Variants in DPYD observed in about 807,000 individuals in gnomAD.
The protein encoded by DPYD is dihydropyrimidine dehydrogenase [NADP(+)].
In DPYD, 109 loss-of-function variants were observed where a neutral mutation model predicts 116.2. The observed-to-expected ratio is 0.94, with a 90% CI of 0.80 to 1.10. The LOEUF (loss-of-function observed/expected upper bound fraction) is 1.10, where lower values mean the gene tolerates loss of function less well. DPYD is among the 50% of genes least tolerant of loss of function. The probability of loss-of-function intolerance (pLI) is 0.00; values close to 1 mark genes in which losing one functional copy is unlikely to be tolerated. For synonymous variants in DPYD, 440 were observed against 432.0 expected (o/e 1.02, Z -0.23); for missense variants, 1,302 against 1,254.5 (o/e 1.04, Z -0.57).
intron 18 of DPYD, among the ~76,000 whole-genome samples, chr1:97,287,318 A>T (rs1253482598): frequency 1.3e-5 from 2 of 152,022 alleles, no homozygotes; most frequent in Admixed American, 1.3e-4. Flanking sequence ...CGGCTGTGTG[A>T]GCAGTCAGTC....
At chr1:97,728,590 T>C (rs1215678153) in intron 4 of DPYD, among the ~76,000 whole-genome samples, 1 of 152,088 alleles carries the variant, frequency 6.6e-6, no homozygotes, top group African/African-American at 2.4e-5. Context: ...TTCTTCCTTC[T>C]TCCAATGACA....
At chr1:97,168,208 C>T (rs1429114503) in intron 20 of DPYD, among the ~76,000 whole-genome samples, 1 of 152,170 alleles carries the variant, frequency 6.6e-6, no homozygotes, top group African/African-American at 2.4e-5. Context: ...GCTCTGTGAT[C>T]CAAGTAACAA....
intron 19 of DPYD, among the ~76,000 whole-genome samples, chr1:97,219,190 T>C (rs1380098470): frequency 6.6e-6 from 1 of 152,068 alleles, no homozygotes; most frequent in Admixed American, 6.6e-5. Flanking sequence ...AGCAAAACAG[T>C]GGGGTACAAA....
At chr1:97,503,272 C>T (rs1679698057) in intron 13 of DPYD, among the ~76,000 whole-genome samples, 1 of 151,916 alleles carries the variant, frequency 6.6e-6, no homozygotes, top group Non-Finnish European at 1.5e-5. Flanking sequence ...TTTATTCCCC[C>T]CATTTAAAAG....
intron 14 of DPYD, among the ~76,000 whole-genome samples, chr1:97,430,141 A>G (rs1312296188): frequency 1.3e-5 from 2 of 152,134 alleles, no homozygotes; most frequent in African/African-American, 4.8e-5. Flanking sequence ...GGCAACTCAC[A>G]TTTTTCCTAC....
chr1:97,400,711 T>G (rs1322015622), intron 14 of DPYD, among the ~76,000 whole-genome samples: 1 of 152,218 alleles, frequency 6.6e-6, no homozygotes, highest in Non-Finnish European at 1.5e-5. Context: ...TATCCATTTC[T>G]TCTAGATTTT....
chr1:97,263,271 A>G (rs564125540), intron 18 of DPYD, among the ~76,000 whole-genome samples: 1 of 152,264 alleles, frequency 6.6e-6, no homozygotes, highest in African/African-American at 2.4e-5. Context: ...GAAGAATTGT[A>G]AATGCTATTA....
intron 20 of DPYD, among the ~76,000 whole-genome samples, chr1:97,151,978 G>A (rs562236584): frequency 1.3e-5 from 2 of 152,250 alleles, no homozygotes; most frequent in South Asian, 4.1e-4. Flanking sequence ...TCTTCAGCCT[G>A]TCCTCATCAA....
intron 21 of DPYD, among the ~76,000 whole-genome samples, chr1:97,088,279 T>C (rs902739618): frequency 1.3e-5 from 2 of 152,220 alleles, no homozygotes; most frequent in African/African-American, 2.4e-5. Flanking sequence ...CTTCCTTTCA[T>C]TGGCCTAATA....
intron 5 of DPYD, among the ~76,000 whole-genome samples, chr1:97,709,439 G>A (rs1333197566): frequency 6.6e-6 from 1 of 150,676 alleles, no homozygotes; most frequent in African/African-American, 2.4e-5. Context: ...TAATATTGTG[G>A]GTACATAGTA....
intron 18 of DPYD, among the ~76,000 whole-genome samples, chr1:97,247,337 G>C (rs1048879339): frequency 6.6e-6 from 1 of 152,082 alleles, no homozygotes; most frequent in Non-Finnish European, 1.5e-5. Flanking sequence ...ATTACCTAAA[G>C]GAACTGTAAT....
rs544840640 is a variant in DPYD at position 97,720,257 on chromosome 1, G to T, written c.483+1253C>A. On this transcript the variant is annotated intron_variant, in intron 5 of 22. Coordinates refer to ENST00000370192, the MANE Select transcript of DPYD (RefSeq NM_000110.4). ...ATTTTAATTCATTTTGTTTTAAAAT[G>T]CTGTGTTAGTTGATATACATACTAT... 31 of 984,450 alleles carry T rather than the reference G, an allele frequency of 3.1e-5. No homozygotes were observed. The East Asian group carries it at 2.1e-3, about 65-fold the overall frequency. The allele number at this position is 984,450 out of a possible 1,614,324, so 61.0% of individuals were successfully genotyped here. A position where few individuals can be genotyped will look rare whatever the true frequency, so the allele number is the denominator to read the frequency against.
chr1:97,666,174 A>G (rs1211124082), intron 8 of DPYD, among the ~76,000 whole-genome samples: 1 of 151,914 alleles, frequency 6.6e-6, no homozygotes, highest in Non-Finnish European at 1.5e-5. Context: ...GATTTATTTT[A>G]TTTTATTTTA....
intron 3 of DPYD, among the ~76,000 whole-genome samples, chr1:97,827,418 T>C (rs2101476748): frequency 6.6e-6 from 1 of 152,246 alleles, no homozygotes; most frequent in African/African-American, 2.4e-5. Flanking sequence ...CTGTGGATGA[T>C]GAGTTTTATT....
intron 13 of DPYD, among the ~76,000 whole-genome samples, chr1:97,451,231 T>G (rs1676395302): frequency 6.6e-6 from 1 of 152,142 alleles, no homozygotes; most frequent in African/African-American, 2.4e-5. Flanking sequence ...TGGACGTTTT[T>G]CCAACTAGAT....
intron 4 of DPYD, among the ~76,000 whole-genome samples, chr1:97,731,978 T>G (rs1047962202): frequency 1.3e-5 from 2 of 152,154 alleles, no homozygotes; most frequent in Non-Finnish European, 2.9e-5. Flanking sequence ...AACAATATGA[T>G]GTTACTCGTT....
intron 13 of DPYD, among the ~76,000 whole-genome samples, chr1:97,477,852 C>T (rs1557739431): frequency 6.6e-6 from 1 of 152,000 alleles, no homozygotes; most frequent in Non-Finnish European, 1.5e-5. Context: ...GATCTCCTGA[C>T]CTCGTGATCC....
At chr1:97,828,400 A>G (rs903206462) in intron 2 of DPYD, among the ~76,000 whole-genome samples, 5 of 152,226 alleles carry the variant, frequency 3.3e-5, no homozygotes, top group African/African-American at 9.6e-5. Flanking sequence ...CAGCTGTCAC[A>G]GAAGTCTCAT....
At chr1:97,502,943 T>A (rs1170008324) in intron 13 of DPYD, among the ~76,000 whole-genome samples, 2 of 152,046 alleles carry the variant, frequency 1.3e-5, no homozygotes, top group African/African-American at 4.8e-5. Flanking sequence ...GAAGTTTAGA[T>A]AAGTTAACTA....
Sources: gnomAD v4.1 joint callset for allele counts (sites outside exome capture counted in the v4.1 genomes callset) on GRCh38, gnomAD v4.1.1 for gene constraint, MANE v1.5 for transcripts, NCBI Gene and HGNC (gene_info 2026-07-23, HGNC 2026-07-21) for gene names.